Variants in PTPRA observed in about 807,000 individuals in gnomAD.
PTPRA encodes receptor-type tyrosine-protein phosphatase alpha.
A neutral mutation model predicts 104.8 loss-of-function variants in PTPRA; 25 were observed. The ratio of observed to expected loss-of-function variants is 0.24; its 90% confidence interval spans 0.17 to 0.33. The LOEUF (loss-of-function observed/expected upper bound fraction) is 0.33, where lower values mean the gene tolerates loss of function less well. Among genes scored for constraint, PTPRA ranks in the 10% least tolerant of loss-of-function variants. The probability of loss-of-function intolerance (pLI) is 1.00; values close to 1 mark genes in which losing one functional copy is unlikely to be tolerated. For missense variants in PTPRA, 765 were observed against 1,015.3 expected (o/e 0.75, Z 3.35); for synonymous variants, 323 against 368.9 (o/e 0.88, Z 1.43).
intron 19 of PTPRA, 75 bp from the exon 20 acceptor site, chr20:3,027,632 C>T: frequency 6.5e-7 from 1 of 1,547,218 alleles, no homozygotes; most frequent in South Asian, 1.2e-5. Context: ...CCATTCCCTT[C>T]TAGTGGTCTG....
chr20:2,949,481 C>T (rs190926056), intron 3 of PTPRA, among the ~76,000 whole-genome samples: 1 of 151,766 alleles, frequency 6.6e-6, no homozygotes, highest in African/African-American at 2.4e-5. Context: ...TTCGTAGAGA[C>T]AAGGTTTTGC....
At chr20:2,943,219 C>A (rs921157392) in intron 2 of PTPRA, among the ~76,000 whole-genome samples, 4 of 147,242 alleles carry the variant, frequency 2.7e-5, no homozygotes, top group Non-Finnish European at 6.0e-5. Flanking sequence ...CCCCACCCCC[C>A]CCCCAGATAA....
intron 1 of PTPRA, among the ~76,000 whole-genome samples, chr20:2,920,142 C>T (rs2060048798): frequency 6.6e-6 from 1 of 152,092 alleles, no homozygotes; most frequent in East Asian, 1.9e-4. Context: ...TCCATTGAAA[C>T]AAGCAATTAA....
intron 11 of PTPRA, among the ~76,000 whole-genome samples, chr20:3,009,924 C>G (rs760749077): frequency 7.2e-5 from 11 of 152,046 alleles, no homozygotes; most frequent in Admixed American, 1.3e-4. Context: ...TCTTGGCTTA[C>G]TACGACCTCT....
intron 17 of PTPRA, among the ~76,000 whole-genome samples, chr20:3,026,122 G>A (rs1333080752): frequency 1.3e-5 from 2 of 151,746 alleles, no homozygotes; most frequent in African/African-American, 2.4e-5. Flanking sequence ...ATTTTTAGTA[G>A]AGACAGGGTT....
chr20:2,903,561 G>A (rs2147126961), intron 1 of PTPRA, among the ~76,000 whole-genome samples: 2 of 152,216 alleles, frequency 1.3e-5, no homozygotes, highest in East Asian at 3.9e-4. Flanking sequence ...GTGGTTATAT[G>A]CCTGTAGCCC....
intron 1 of PTPRA, among the ~76,000 whole-genome samples, chr20:2,883,747 A>G (rs926349974): frequency 6.6e-6 from 1 of 151,982 alleles, no homozygotes; most frequent in Admixed American, 6.6e-5. Context: ...ATTATAAGCT[A>G]TAACTTACAT....
Position 3,006,059 on chromosome 20 carries a change from G to A in PTPRA, c.829+913G>A, listed in dbSNP as rs1020093207. Among the ~76,000 whole-genome samples, 3 of 151,684 alleles carry A rather than the reference G, an allele frequency of 2.0e-5. No individual in the cohort carries two copies. The East Asian group carries it at 5.8e-4, about 29-fold the overall frequency. On this transcript the variant is annotated intron_variant, in intron 10 of 23. Coordinates refer to ENST00000399903, the MANE Select transcript of PTPRA (RefSeq NM_001385305.1). Reference sequence around the variant, plus strand: ...AATTTTTTGTAGAGATGGTCTTGCTGTGTTGCCTTGGCTGATCTCAAACTC... The same window carrying A: ...AATTTTTTGTAGAGATGGTCTTGCTATGTTGCCTTGGCTGATCTCAAACTC...
At chr20:2,884,955 G>C (rs1278006583) in intron 1 of PTPRA, among the ~76,000 whole-genome samples, 1 of 151,766 alleles carries the variant, frequency 6.6e-6, no homozygotes, top group Non-Finnish European at 1.5e-5. Flanking sequence ...GACTACAGGC[G>C]CCCCCCACCA....
intron 11 of PTPRA, among the ~76,000 whole-genome samples, chr20:3,014,449 C>G (rs2064335897): frequency 6.6e-6 from 1 of 152,054 alleles, no homozygotes; most frequent in Non-Finnish European, 1.5e-5. Context: ...AGCAGCGTGG[C>G]CAACATGGTG....
intron 1 of PTPRA, among the ~76,000 whole-genome samples, chr20:2,909,728 T>C (rs1465471196): frequency 1.4e-5 from 2 of 142,716 alleles, no homozygotes; most frequent in Non-Finnish European, 3.0e-5. Context: ...GTTTCACTTA[T>C]ATATAAATTA....
rs774920507 is a variant in PTPRA at position 3,021,368 on chromosome 20, G to A, written c.1101G>A (p.Val367=). 2.0e-5 allele frequency: 33 copies of A among 1,614,010 alleles called. No individual in the cohort carries two copies. Among genetic ancestry groups the A allele is most frequent in the Non-Finnish European group, 2.7e-5 (32 of 1,179,980 alleles). The change falls in exon 14 of 24, where the codon GTG becomes GTA. Residue 367 remains valine, a synonymous_variant. Transcript: ENST00000399903. ...QGCWTYGNIR[V]SVEDVTVLVD... ...GCTGGACCTATGGGAATATTCGGGT[G>A]TCTGTAGAGGATGTGACTGTCCTGG...
chr20:2,933,847 G>C (rs1224223308), intron 2 of PTPRA, among the ~76,000 whole-genome samples: 1 of 151,862 alleles, frequency 6.6e-6, no homozygotes, highest in Admixed American at 6.6e-5. Flanking sequence ...TGACACATAA[G>C]AGTTTAAATA....
intron 1 of PTPRA, among the ~76,000 whole-genome samples, chr20:2,878,529 A>G (rs751461842): frequency 1.3e-5 from 2 of 152,180 alleles, no homozygotes; most frequent in African/African-American, 2.4e-5. Flanking sequence ...AGTTGGTGCA[A>G]TCCTTTTTAT....
At chr20:2,906,725 T>G (rs2059439992) in intron 1 of PTPRA, among the ~76,000 whole-genome samples, 1 of 152,206 alleles carries the variant, frequency 6.6e-6, no homozygotes. Flanking sequence ...TGAGGTTTTA[T>G]ATATTTCATC....
intron 1 of PTPRA, among the ~76,000 whole-genome samples, chr20:2,882,220 G>A (rs1203036764): frequency 1.3e-5 from 2 of 151,988 alleles, no homozygotes; most frequent in Non-Finnish European, 2.9e-5. Flanking sequence ...TTTGGTATAC[G>A]GTTATAAAAG....
At chr20:2,982,091 CTTTTT>C (rs11475103) in intron 6 of PTPRA, among the ~76,000 whole-genome samples, 2 of 136,628 alleles carry the variant, frequency 1.5e-5, no homozygotes, top group Admixed American at 7.3e-5. Flanking sequence ...TCTTCTTCTT[CTTTTT>C]TTTTTTTTTT....
chr20:2,964,129 G>A (rs1042453156), intron 3 of PTPRA, 143 bp from the exon 4 acceptor site: 2 of 662,494 alleles, frequency 3.0e-6, no homozygotes, highest in Admixed American at 5.9e-5. Context: ...ATCTGAGGAA[G>A]CATGCATATC....
At chr20:2,903,791 A>C (rs757460737) in intron 1 of PTPRA, among the ~76,000 whole-genome samples, 1 of 152,268 alleles carries the variant, frequency 6.6e-6, no homozygotes, top group South Asian at 2.1e-4. Flanking sequence ...TAAAGGAAGG[A>C]AGGCATGTTT....
Sources: allele counts gnomAD v4.1 joint callset (sites outside exome capture counted in the v4.1 genomes callset), GRCh38; gene constraint gnomAD v4.1.1; transcripts MANE v1.5; gene names NCBI Gene and HGNC (gene_info 2026-07-23, HGNC 2026-07-21).